Variants in ZZZ3 observed in about 807,000 individuals in gnomAD.
The protein encoded by ZZZ3 is ZZ-type zinc finger-containing protein 3.
A neutral mutation model predicts 95.2 loss-of-function variants in ZZZ3; 22 were observed. The ratio of observed to expected loss-of-function variants is 0.23; its 90% CI spans 0.17 to 0.33. ZZZ3 has a LOEUF of 0.33. Among genes scored for constraint, ZZZ3 ranks in the 10% least tolerant of loss-of-function variants. ZZZ3 has a pLI of 1.00. For synonymous variants in ZZZ3, 335 were observed against 358.9 expected (o/e 0.93, Z 0.75); for missense variants, 885 against 1,066.5 (o/e 0.83, Z 2.37).
rs1667935233 is a variant in ZZZ3 at position 77,632,840 on chromosome 1, C to A, written c.515G>T (p.Cys172Phe). 6.8e-6 allele frequency: 11 copies of A among 1,614,166 alleles called. No homozygotes were observed. Among genetic ancestry groups the A allele is most frequent in the Non-Finnish European group, 9.3e-6 (11 of 1,180,024 alleles). ...RACRCLILDDCEKREIKKVNV... is the reference protein window; with the variant it reads ...RACRCLILDDFEKREIKKVNV... ...CACCTTTTTAATTTCCCTTTTCTCA[C>A]AATCATCCAGTATAAGACATCGACA... Residue 172 changes from cysteine (C) to phenylalanine (F), a missense_variant, in exon 5 of 15, where the codon TGT becomes TTT. Cys to Phe is a radical substitution (Grantham distance 205, BLOSUM62 -2). This residue lies in a region of ZZZ3 where 556 missense variants were observed against 652.9 expected (regional missense o/e 0.85). Transcript: ENST00000370801.
chr1:77,681,077 T>TA (rs1381283824), intron 1 of ZZZ3, among the ~76,000 whole-genome samples: 2 of 152,186 alleles, frequency 1.3e-5, no homozygotes, highest in African/African-American at 4.8e-5. Context: ...TTAATTTAGT[T>TA]AAAAAATGTT....
At chr1:77,671,309 T>C (rs1671767184) in intron 1 of ZZZ3, among the ~76,000 whole-genome samples, 1 of 152,210 alleles carries the variant, frequency 6.6e-6, no homozygotes, top group Non-Finnish European at 1.5e-5. Flanking sequence ...AAGATCAAAG[T>C]ATTCAAACCA....
intron 1 of ZZZ3, among the ~76,000 whole-genome samples, chr1:77,642,109 T>C (rs1001945043): frequency 3.3e-5 from 5 of 152,164 alleles, no homozygotes; most frequent in Non-Finnish European, 7.4e-5. Flanking sequence ...ACATCTGATA[T>C]CTTTCTTAAG....
Position 77,636,511 on chromosome 1 carries a change from G to A in ZZZ3, c.-52+2938C>T, listed in dbSNP as rs192193844. On this transcript the variant is annotated intron_variant, in intron 4 of 14. Coordinates refer to ENST00000370801, the MANE Select transcript of ZZZ3 (RefSeq NM_015534.6). The stretch of plus-strand genomic sequence containing the variant: ...GTGGATCACTTGAGCCCAGGAATTC[G>A]AGACCAAACTGGGCAACATGGCGAA... Among the ~76,000 whole-genome samples the A allele has an allele frequency of 1.5e-3, 224 of 151,746 alleles. 1 individual carries two copies. Among genetic ancestry groups the A allele is most frequent in the African/African-American group, 5.1e-3 (211 of 41,376 alleles).
At position 77,632,798 on chromosome 1, in the gene ZZZ3, C is replaced by T; in HGVS notation, c.557G>A (p.Gly186Glu). Residue 186 changes from glycine to glutamate, a missense_variant, in exon 5 of 15, where the codon GGG (glycine) becomes GAG (glutamate). Around this residue, in one of 5 missense-constraint regions of ZZZ3, gnomAD observed 556 missense variants for 652.9 expected, o/e 0.85. Transcript: ENST00000370801. ...TTCAACTACTGCAGAATTAAGTGGC[C>T]CTTCCTCACTGACATTCACCTTTTT... The part of the protein sequence containing the change: ...EIKKVNVSEE[G>E]PLNSAVVEEI... The T allele has an allele frequency of 2.5e-6, 4 of 1,614,136 alleles. No homozygotes were observed. Among genetic ancestry groups the T allele is most frequent in the Non-Finnish European group, 3.4e-6 (4 of 1,180,014 alleles).
chr1:77,596,011 G>A (rs1664180855), intron 5 of ZZZ3, among the ~76,000 whole-genome samples: 1 of 152,124 alleles, frequency 6.6e-6, no homozygotes, highest in Middle Eastern at 3.4e-3. Context: ...TTCTGGGGAG[G>A]AATTTGAGGC....
chr1:77,634,951 A>G (rs1442264982), intron 4 of ZZZ3, among the ~76,000 whole-genome samples: 2 of 152,180 alleles, frequency 1.3e-5, no homozygotes, highest in African/African-American at 4.8e-5. Context: ...AGTGGTGGCA[A>G]TAGTGCAAAG....
chr1:77,574,954 G>A (rs1375168610), intron 12 of ZZZ3, among the ~76,000 whole-genome samples: 2 of 152,220 alleles, frequency 1.3e-5, no homozygotes, highest in Admixed American at 6.5e-5. Context: ...GGGAGGCCGA[G>A]GCAGGCAGAT....
At chr1:77,614,702 G>A (rs894462039) in intron 5 of ZZZ3, among the ~76,000 whole-genome samples, 3 of 151,738 alleles carry the variant, frequency 2.0e-5, no homozygotes, top group Admixed American at 1.3e-4. Context: ...CAATATACAG[G>A]GGAATATGTT....
intron 5 of ZZZ3, among the ~76,000 whole-genome samples, chr1:77,590,937 G>A (rs1213199238): frequency 1.3e-5 from 2 of 152,146 alleles, no homozygotes; most frequent in Non-Finnish European, 2.9e-5. Context: ...ATGTTAAATT[G>A]TTAACAACTG....
intron 5 of ZZZ3, among the ~76,000 whole-genome samples, chr1:77,620,468 A>AGAAAGAAC (rs1407190231): frequency 6.8e-6 from 1 of 146,452 alleles, no homozygotes; most frequent in African/African-American, 2.5e-5. Flanking sequence ...TTAGAAAGAA[A>AGAAAGAAC]GAAAGAACGA....
intron 12 of ZZZ3, among the ~76,000 whole-genome samples, chr1:77,573,172 T>C (rs186586403): frequency 2.0e-5 from 3 of 152,298 alleles, no homozygotes; most frequent in African/African-American, 7.2e-5. Flanking sequence ...CAGGCTGGAG[T>C]GCAGTGGTGC....
chr1:77,659,317 GATTT>G (rs1445671288), intron 1 of ZZZ3, among the ~76,000 whole-genome samples: 1 of 151,920 alleles, frequency 6.6e-6, no homozygotes, highest in East Asian at 1.9e-4. Flanking sequence ...AGTTTAATTC[GATTT>G]ATTATCTCAT....
At position 77,565,800 on chromosome 1, in the gene ZZZ3, GAC is replaced by G. The variant is rs538845997; in HGVS notation, c.2568-18_2568-17del. The stretch of plus-strand genomic sequence containing the variant: ...TTCATGTAGACTGTAAAGAAAAAAA[GAC>G]ACACATCATTACATGGTAGTGGATG... On this transcript the variant is annotated splice_polypyrimidine_tract_variant and intron_variant, in intron 14 of 14. Transcript: ENST00000370801. 3.9e-4 allele frequency: 629 copies of G among 1,605,864 alleles called. No homozygotes were observed. Among genetic ancestry groups the G allele is most frequent in the Admixed American group, 1.3e-3 (74 of 59,094 alleles).
In ZZZ3 at chr1:77,667,769, T is replaced by C. The variant is rs114877572; in HGVS notation, c.-403+14816A>G. Among the ~76,000 whole-genome samples, 1,057 of 148,726 alleles carry C rather than the reference T, an allele frequency of 7.1e-3. 15 individuals are homozygous for C. The highest frequency in any genetic ancestry group is 0.024 in the African/African-American group (981 of 40,432). Reference sequence around the variant, plus strand: ...CATTAGTTAAATGGGTATTCTTTTTTTTTTTTTTTTTTTTGAGAGAGAGTC... The same window carrying C: ...CATTAGTTAAATGGGTATTCTTTTTCTTTTTTTTTTTTTTGAGAGAGAGTC... On this transcript the variant is annotated intron_variant, in intron 1 of 14. Transcript: ENST00000370801.
intron 1 of ZZZ3, among the ~76,000 whole-genome samples, chr1:77,667,038 C>T (rs536615591): frequency 1.4e-3 from 208 of 152,298 alleles, no homozygotes; most frequent in African/African-American, 4.8e-3. Flanking sequence ...ACTTACTGTT[C>T]AATTATAATT....
At position 77,566,063 on chromosome 1, in the gene ZZZ3, A is replaced by G. The variant is rs1660793580; in HGVS notation, c.2567+18T>C. On this transcript the variant is annotated intron_variant, in intron 14 of 14. Coordinates refer to ENST00000370801, the MANE Select transcript of ZZZ3 (RefSeq NM_015534.6). ...TTTCTTGTCTAAGTTGAAGACTGAC[A>G]ATGAAGAAAACACTTACCAGTCTGA... is the stretch of plus-strand genomic sequence containing the variant. The G allele has an allele frequency of 1.9e-6, 3 of 1,587,724 alleles. No homozygotes were observed. The highest frequency in any genetic ancestry group is 2.6e-6 in the Non-Finnish European group (3 of 1,161,454).
intron 5 of ZZZ3, among the ~76,000 whole-genome samples, chr1:77,589,660 T>G (rs1045500573): frequency 6.6e-6 from 1 of 151,712 alleles, no homozygotes; most frequent in Non-Finnish European, 1.5e-5. Flanking sequence ...GGGTCTCGCT[T>G]TGTTGCCCAG....
intron 1 of ZZZ3, among the ~76,000 whole-genome samples, chr1:77,669,096 T>C (rs370747930): frequency 6.6e-6 from 1 of 151,402 alleles, no homozygotes; most frequent in South Asian, 2.1e-4. Flanking sequence ...TTAAAACACA[T>C]AGCTTGTAGA....
Sources: allele counts gnomAD v4.1 joint callset (sites outside exome capture counted in the v4.1 genomes callset), GRCh38; gene constraint gnomAD v4.1.1; regional missense constraint gnomAD v4.1.1; transcripts MANE v1.5; gene names NCBI Gene and HGNC (gene_info 2026-07-23, HGNC 2026-07-21).